The following ALOX5 variants were observed in gnomAD, a reference collection of about 807,000 sequenced individuals.
ALOX5 encodes arachidonate 5-lipoxygenase, also known as polyunsaturated fatty acid 5-lipoxygenase.
In ALOX5, 64 loss-of-function variants were observed where a neutral mutation model predicts 87.9. The observed-to-expected ratio is 0.73, with a 90% confidence interval of 0.60 to 0.90. ALOX5 has a LOEUF of 0.90. ALOX5 is among the 40% of genes least tolerant of loss of function. The probability of loss-of-function intolerance (pLI) is 0.00; values close to 1 mark genes in which losing one functional copy is unlikely to be tolerated. For synonymous variants in ALOX5, 388 were observed against 355.1 expected, an observed-to-expected ratio of 1.09 and a Z score of -1.04; for missense variants, 822 against 907.5, an observed-to-expected ratio of 0.91 and a Z score of 1.21.
At chr10:45,409,625 C>A (rs954859138) in intron 3 of ALOX5, among the ~76,000 whole-genome samples, 7 of 151,180 alleles carry the variant, frequency 4.6e-5, no homozygotes, top group African/African-American at 1.7e-4. Context: ...CTCTCTCTTT[C>A]TCTCTCTCTC....
intron 3 of ALOX5, among the ~76,000 whole-genome samples, chr10:45,403,482 T>C (rs1840773130): frequency 6.6e-6 from 1 of 152,084 alleles, no homozygotes; most frequent in African/African-American, 2.4e-5. Flanking sequence ...GGAGGGTTGA[T>C]TGGGAAAGGT....
intron 3 of ALOX5, among the ~76,000 whole-genome samples, chr10:45,399,884 A>T (rs1343911385): frequency 2.0e-5 from 3 of 152,244 alleles, no homozygotes; most frequent in African/African-American, 7.2e-5. Context: ...TCCAATAAGC[A>T]CGTGAAAATA....
chr10:45,438,741 C>G (rs1842132978), intron 7 of ALOX5, among the ~76,000 whole-genome samples: 1 of 152,218 alleles, frequency 6.6e-6, no homozygotes, highest in Non-Finnish European at 1.5e-5. Flanking sequence ...GTGCAGAGTT[C>G]TGAGACCTTC....
intron 2 of ALOX5, among the ~76,000 whole-genome samples, chr10:45,393,487 A>G (rs1840374052): frequency 6.6e-6 from 1 of 152,224 alleles, no homozygotes; most frequent in African/African-American, 2.4e-5. Flanking sequence ...ACAAACCCAC[A>G]ACCAATATCA....
intron 3 of ALOX5, 43 bp downstream of exon 3, chr10:45,395,979 T>A: frequency 6.3e-7 from 1 of 1,580,184 alleles, no homozygotes; most frequent in East Asian, 2.2e-5. Flanking sequence ...GGCCATGGTT[T>A]CTTCTATCTC....
intron 2 of ALOX5, among the ~76,000 whole-genome samples, chr10:45,392,659 A>T (rs1417572517): frequency 1.3e-5 from 2 of 151,542 alleles, no homozygotes; most frequent in East Asian, 3.9e-4. Context: ...TTGTCCTATG[A>T]CCCTGCCAAA....
At chr10:45,395,333 C>CATTA (rs1840457417) in intron 2 of ALOX5, among the ~76,000 whole-genome samples, 13 of 152,096 alleles carry the variant, frequency 8.5e-5, no homozygotes, top group African/African-American at 2.9e-4. Flanking sequence ...GGAAATCACC[C>CATTA]TTCTCAGCAA....
chr10:45,408,358 A>T (rs556510670), intron 3 of ALOX5, among the ~76,000 whole-genome samples: 41 of 152,290 alleles, frequency 2.7e-4, no homozygotes, highest in South Asian at 6.2e-4. Flanking sequence ...TTGGTTTTGG[A>T]AAGGTGGGAC....
chr10:45,378,644 A>G (rs987375045), intron 1 of ALOX5, among the ~76,000 whole-genome samples: 5 of 152,308 alleles, frequency 3.3e-5, no homozygotes, highest in Non-Finnish European at 7.4e-5. Flanking sequence ...AGTTTGACAC[A>G]TGTGACCCTG....
intron 4 of ALOX5, among the ~76,000 whole-genome samples, chr10:45,418,236 T>C (rs927064259): frequency 4.6e-5 from 7 of 152,058 alleles, no homozygotes; most frequent in African/African-American, 1.7e-4. Context: ...AGGAAGCAGC[T>C]TAGAGGAGCC....
chr10:45,398,925 A>G (rs549045785), intron 3 of ALOX5, among the ~76,000 whole-genome samples: 140 of 152,314 alleles, frequency 9.2e-4, no homozygotes, highest in Non-Finnish European at 1.6e-3. Context: ...TTCAACAGAG[A>G]GTTACAATAT....
chr10:45,443,267 T>A, intron 10 of ALOX5, 51 bp downstream of exon 10: 1 of 1,593,410 alleles, frequency 6.3e-7, no homozygotes, highest in Non-Finnish European at 8.6e-7. Context: ...GACCCCTGCC[T>A]GACTACCTGG....
chr10:45,389,063 C>T lies in ALOX5; in HGVS notation c.349+6382C>T, dbSNP rs183778794. Among the ~76,000 whole-genome samples, 278 of 152,138 alleles carry T rather than the reference C, an allele frequency of 1.8e-3. 1 individual carries two copies. The highest frequency in any genetic ancestry group is 0.012 in the East Asian group (60 of 5,184). On this transcript the variant is annotated intron_variant, in intron 2 of 13. Coordinates refer to ENST00000374391, the MANE Select transcript of ALOX5 (RefSeq NM_000698.5). The stretch of plus-strand genomic sequence containing the variant: ...TGACGAATGCACAAGCTTCAGTAGC[C>T]GATTCGATCAACTGTAAGAAAGGGT...
intron 4 of ALOX5, among the ~76,000 whole-genome samples, chr10:45,422,546 G>C (rs1201989198): frequency 1.3e-5 from 2 of 152,228 alleles, no homozygotes; most frequent in Admixed American, 6.5e-5. Flanking sequence ...TGCTGCATGA[G>C]CCCCTCTGGA....
intron 3 of ALOX5, among the ~76,000 whole-genome samples, chr10:45,409,011 G>C (rs541908303): frequency 3.3e-5 from 5 of 152,124 alleles, no homozygotes; most frequent in African/African-American, 1.2e-4. Context: ...TCTGTACATA[G>C]TGAACTGTAA....
At chr10:45,400,031 C>T (rs918813912) in intron 3 of ALOX5, among the ~76,000 whole-genome samples, 3 of 152,194 alleles carry the variant, frequency 2.0e-5, no homozygotes, top group Admixed American at 2.0e-4. Flanking sequence ...AACCCTGATG[C>T]TGCTACCGGA....
chr10:45,421,648 C>A (rs1841512814), intron 4 of ALOX5, among the ~76,000 whole-genome samples: 1 of 152,222 alleles, frequency 6.6e-6, no homozygotes, highest in Non-Finnish European at 1.5e-5. Flanking sequence ...TATTCCAGTG[C>A]CTGGCTGCTG....
chr10:45,421,422 G>A (rs1026419021), intron 4 of ALOX5, among the ~76,000 whole-genome samples: 2 of 152,246 alleles, frequency 1.3e-5, no homozygotes, highest in African/African-American at 4.8e-5. Flanking sequence ...GGCACCCTCT[G>A]GCACTGGGCC....
intron 2 of ALOX5, among the ~76,000 whole-genome samples, chr10:45,394,212 A>C (rs1218576484): frequency 6.6e-6 from 1 of 152,232 alleles, no homozygotes; most frequent in Admixed American, 6.5e-5. Context: ...CTATACTACA[A>C]GGCTACAGTA....
Sources: allele counts gnomAD v4.1 joint callset (sites outside exome capture counted in the v4.1 genomes callset), GRCh38; gene constraint gnomAD v4.1.1; transcripts MANE v1.5; gene names NCBI Gene and HGNC (gene_info 2026-07-23, HGNC 2026-07-21).